GLRX3: variants seen among roughly 807,000 people sequenced by gnomAD.
GLRX3 encodes the protein glutaredoxin-3.
Under a neutral mutation model 49.5 loss-of-function variants are expected in GLRX3, and 22 were observed. The observed-to-expected ratio is 0.44, with a 90% CI of 0.32 to 0.63. GLRX3 has a LOEUF of 0.63. GLRX3 is among the 30% of genes least tolerant of loss of function. The pLI is 0.05. For synonymous variants in GLRX3, 133 were observed against 140.0 expected, an observed-to-expected ratio of 0.95 and a Z score of 0.35; for missense variants, 385 against 396.3, an observed-to-expected ratio of 0.97 and a Z score of 0.24.
intron 6 of GLRX3, among the ~76,000 whole-genome samples, chr10:130,168,824 G>A (rs190823893): frequency 1.9e-4 from 29 of 152,306 alleles, no homozygotes; most frequent in Non-Finnish European, 3.1e-4. Flanking sequence ...TTAGTGACCC[G>A]TTGTCCCAGC....
intron 2 of GLRX3, among the ~76,000 whole-genome samples, chr10:130,155,790 C>G (rs989587916): frequency 1.3e-5 from 2 of 152,116 alleles, no homozygotes; most frequent in African/African-American, 4.8e-5. Flanking sequence ...TGTGGATAGG[C>G]ATAGAAGAGG....
chr10:130,157,529 G>A (rs140529347), intron 2 of GLRX3, among the ~76,000 whole-genome samples: 1,109 of 87,406 alleles, frequency 0.013, 13 homozygotes, highest in Admixed American at 0.025. Context: ...CCCATATTGG[G>A]TGAGAATGGA....
chr10:130,162,081 G>A (rs535637821), intron 4 of GLRX3, among the ~76,000 whole-genome samples: 1 of 152,162 alleles, frequency 6.6e-6, no homozygotes, highest in African/African-American at 2.4e-5. Context: ...GGGGTCAAGC[G>A]ATTCTCCTGT....
intron 4 of GLRX3, 85 bp downstream of exon 4, chr10:130,161,082 A>G (rs1862568926): frequency 3.5e-6 from 3 of 865,788 alleles, no homozygotes; most frequent in Non-Finnish European, 5.8e-6. Context: ...CCTGTTTCCA[A>G]GGATGCTATA....
intron 1 of GLRX3, among the ~76,000 whole-genome samples, chr10:130,144,436 G>A (rs1467109486): frequency 1.3e-5 from 2 of 151,996 alleles, no homozygotes; most frequent in Non-Finnish European, 1.5e-5. Flanking sequence ...TTAGGTATTT[G>A]TCCTAATGCT....
At chr10:130,144,908 A>C (rs1590057840) in intron 1 of GLRX3, among the ~76,000 whole-genome samples, 1 of 152,228 alleles carries the variant, frequency 6.6e-6, no homozygotes. Context: ...TGGTTGAACT[A>C]ATTTACACTC....
At chr10:130,150,542 A>G (rs2134884824) in intron 2 of GLRX3, among the ~76,000 whole-genome samples, 1 of 152,324 alleles carries the variant, frequency 6.6e-6, no homozygotes, top group East Asian at 1.9e-4. Flanking sequence ...ATATACGATC[A>G]AGGGTATGGA....
At chr10:130,169,022 C>T (rs1025758412) in intron 6 of GLRX3, among the ~76,000 whole-genome samples, 18 of 152,180 alleles carry the variant, frequency 1.2e-4, no homozygotes, top group African/African-American at 4.3e-4. Flanking sequence ...ACCCTGCAGT[C>T]CGACCTTGTG....
At chr10:130,161,140 G>A (rs868769471) in intron 4 of GLRX3, 143 bp downstream of exon 4, 1 of 634,162 alleles carries the variant, frequency 1.6e-6, no homozygotes, top group Admixed American at 2.7e-5. Context: ...AATCAAAAAG[G>A]TTATAATTCC....
intron 2 of GLRX3, among the ~76,000 whole-genome samples, chr10:130,157,386 GGAGA>G (rs1862490751): frequency 6.7e-6 from 1 of 150,296 alleles, no homozygotes; most frequent in Admixed American, 6.6e-5. Context: ...GGAGAGGGAG[GGAGA>G]GAGAGAAAGA....
At chr10:130,153,919 A>G (rs181473942) in intron 2 of GLRX3, among the ~76,000 whole-genome samples, 45 of 152,344 alleles carry the variant, frequency 3.0e-4, no homozygotes, top group Admixed American at 1.8e-3. Context: ...GAGAGGCAGC[A>G]GGCCTTGCTG....
At chr10:130,159,696 AT>A in intron 2 of GLRX3, 1 of 495,278 alleles carries the variant, frequency 2.0e-6, no homozygotes, top group Admixed American at 4.4e-5. Context: ...GTAGCTGCAT[AT>A]GATTGAAAAT....
chr10:130,175,821 A>G (rs1862906132), intron 10 of GLRX3, among the ~76,000 whole-genome samples: 1 of 152,258 alleles, frequency 6.6e-6, no homozygotes, highest in South Asian at 2.1e-4. Context: ...TGTAGCTTTA[A>G]TATCTACACA....
intron 10 of GLRX3, among the ~76,000 whole-genome samples, chr10:130,178,864 C>CA (rs1313705775): frequency 6.6e-6 from 1 of 152,104 alleles, no homozygotes. Context: ...CCACCATGCC[C>CA]AACTGATTTT....
intron 2 of GLRX3, among the ~76,000 whole-genome samples, chr10:130,158,846 GA>G (rs1379266537): frequency 6.6e-6 from 1 of 151,972 alleles, no homozygotes; most frequent in Non-Finnish European, 1.5e-5. Flanking sequence ...TTTAAAAATG[GA>G]AATAATTAAA....
intron 7 of GLRX3, among the ~76,000 whole-genome samples, chr10:130,170,530 A>G (rs1862783923): frequency 6.6e-6 from 1 of 152,212 alleles, no homozygotes; most frequent in Non-Finnish European, 1.5e-5. Context: ...ACATTAGGTT[A>G]GGGCCTAAAT....
chr10:130,144,135 T>C (rs965512990), intron 1 of GLRX3, among the ~76,000 whole-genome samples: 9 of 152,248 alleles, frequency 5.9e-5, no homozygotes, highest in African/African-American at 2.2e-4. Flanking sequence ...GTCACGGTTA[T>C]GTCTCTCCAT....
intron 10 of GLRX3, among the ~76,000 whole-genome samples, chr10:130,176,096 A>T (rs1460647013): frequency 6.6e-6 from 1 of 151,646 alleles, no homozygotes; most frequent in African/African-American, 2.4e-5. Flanking sequence ...ACTTCTAGTT[A>T]TGTTGTAAAA....
chr10:130,170,924 C>G (rs1034271355), intron 7 of GLRX3, among the ~76,000 whole-genome samples: 3 of 152,028 alleles, frequency 2.0e-5, no homozygotes, highest in South Asian at 2.1e-4. Flanking sequence ...GTCAAGAGAT[C>G]GAGACCATCC....
Sources: gnomAD v4.1 joint callset for allele counts (sites outside exome capture counted in the v4.1 genomes callset) on GRCh38, gnomAD v4.1.1 for gene constraint, MANE v1.5 for transcripts, NCBI Gene and HGNC (gene_info 2026-07-23, HGNC 2026-07-21) for gene names.